The following GPC6 variants were observed in gnomAD, a reference collection of about 807,000 sequenced individuals.
GPC6 encodes the protein glypican-6.
Under a neutral mutation model 55.2 loss-of-function variants are expected in GPC6, and 14 were observed. That is an observed-to-expected ratio of 0.25 (90% confidence interval 0.17 to 0.40). GPC6 has a LOEUF of 0.40. GPC6 is among the 10% of genes least tolerant of loss of function. GPC6 has a pLI of 1.00. For synonymous variants in GPC6, 278 were observed against 259.6 expected (o/e 1.07, Z -0.68); for missense variants, 641 against 708.5 (o/e 0.90, Z 1.08).
intron 3 of GPC6, among the ~76,000 whole-genome samples, chr13:93,839,873 A>G (rs2138995691): frequency 6.6e-6 from 1 of 152,256 alleles, no homozygotes; most frequent in South Asian, 2.1e-4. Flanking sequence ...GTTAGCTAGT[A>G]TTTAGTTAAG....
At chr13:93,807,057 AACTG>A (rs148689177) in intron 2 of GPC6, among the ~76,000 whole-genome samples, 7 of 152,298 alleles carry the variant, frequency 4.6e-5, no homozygotes, top group African/African-American at 1.4e-4. Flanking sequence ...GAAACCATAA[AACTG>A]ACTGGGGGCC....
intron 1 of GPC6, among the ~76,000 whole-genome samples, chr13:93,381,567 A>G (rs1875169225): frequency 6.6e-6 from 1 of 152,166 alleles, no homozygotes; most frequent in South Asian, 2.1e-4. Flanking sequence ...TGTGGGCAAC[A>G]TGTCTCACTG....
chr13:94,335,571 T>C (rs1877641466), intron 6 of GPC6, among the ~76,000 whole-genome samples: 2 of 149,818 alleles, frequency 1.3e-5, no homozygotes. Flanking sequence ...ATAGTTGCCA[T>C]AAAATGTCCC....
chr13:93,242,727 A>G (rs1201910119), intron 1 of GPC6, among the ~76,000 whole-genome samples: 1 of 152,142 alleles, frequency 6.6e-6, no homozygotes, highest in Non-Finnish European at 1.5e-5. Context: ...GTTCACGGAC[A>G]CAGAAAAGCC....
At chr13:93,306,380 TATAA>T (rs1878856464) in intron 1 of GPC6, among the ~76,000 whole-genome samples, 1 of 152,260 alleles carries the variant, frequency 6.6e-6, no homozygotes, top group African/African-American at 2.4e-5. Context: ...TCAGCCAGCA[TATAA>T]ATAGAGCCAA....
chr13:93,885,723 G>A (rs1875284123), intron 3 of GPC6, among the ~76,000 whole-genome samples: 2 of 152,156 alleles, frequency 1.3e-5, no homozygotes, highest in African/African-American at 4.8e-5. Flanking sequence ...TGCCAATTTA[G>A]CCAAACACTG....
rs1296709144 is a variant in GPC6 at position 93,545,386 on chromosome 13, G to A, written c.284G>A (p.Arg95His). 6.8e-6 allele frequency: 11 copies of A among 1,613,800 alleles called. No individual in the cohort carries two copies. Among genetic ancestry groups the A allele is most frequent in the South Asian group, 1.1e-5 (1 of 91,080 alleles). ...NLVEETSHFV[R>H]TTFVSRHKKF... is the part of the protein sequence containing the mutation. ...GTGGAAGAGACAAGCCATTTTGTGCGCACCACTTTTGTGTCCAGGCATAAG... is the reference window on the plus strand; with the variant it reads ...GTGGAAGAGACAAGCCATTTTGTGCACACCACTTTTGTGTCCAGGCATAAG... Residue 95 changes from arginine to histidine, a missense_variant, in exon 2 of 9, where the codon CGC becomes CAC. Physicochemically the swap from Arg to His is conservative, Grantham distance 29. Coordinates refer to ENST00000377047, the MANE Select transcript of GPC6 (RefSeq NM_005708.5).
chr13:93,977,186 A>G (rs950811477), intron 3 of GPC6, among the ~76,000 whole-genome samples: 1 of 152,074 alleles, frequency 6.6e-6, no homozygotes, highest in Non-Finnish European at 1.5e-5. Flanking sequence ...CCTGCACCCA[A>G]AACTTGCTCA....
At chr13:93,668,003 A>C (rs1566477306) in intron 2 of GPC6, among the ~76,000 whole-genome samples, 1 of 152,088 alleles carries the variant, frequency 6.6e-6, no homozygotes, top group Non-Finnish European at 1.5e-5. Flanking sequence ...TTGAGTTTAG[A>C]TTTGAAATGT....
chr13:93,886,406 A>T (rs984102027), intron 3 of GPC6, among the ~76,000 whole-genome samples: 1 of 152,046 alleles, frequency 6.6e-6, no homozygotes, highest in Non-Finnish European at 1.5e-5. Context: ...GGCTGTCCCC[A>T]GTGCAGATTC....
At chr13:94,171,314 G>A (rs1453618142) in intron 4 of GPC6, among the ~76,000 whole-genome samples, 1 of 152,140 alleles carries the variant, frequency 6.6e-6, no homozygotes, top group Non-Finnish European at 1.5e-5. Flanking sequence ...ATAGATTTTA[G>A]ACCTACTTTT....
intron 2 of GPC6, among the ~76,000 whole-genome samples, chr13:93,557,075 A>G (rs1335539823): frequency 1.3e-5 from 2 of 152,208 alleles, no homozygotes; most frequent in South Asian, 2.1e-4. Context: ...TGGGATAAGG[A>G]TGTAATGTAA....
chr13:93,629,718 T>C (rs1594324757), intron 2 of GPC6, among the ~76,000 whole-genome samples: 1 of 152,344 alleles, frequency 6.6e-6, no homozygotes, highest in Middle Eastern at 3.4e-3. Flanking sequence ...CAATTCATGA[T>C]ACTGCTCTGC....
At chr13:94,013,868 G>A (rs1348334948) in intron 3 of GPC6, among the ~76,000 whole-genome samples, 1 of 152,172 alleles carries the variant, frequency 6.6e-6, no homozygotes, top group African/African-American at 2.4e-5. Context: ...TATTAGATAG[G>A]CAAATTATGT....
At chr13:94,113,057 G>T (rs929715545) in intron 4 of GPC6, among the ~76,000 whole-genome samples, 1 of 152,106 alleles carries the variant, frequency 6.6e-6, no homozygotes, top group Non-Finnish European at 1.5e-5. Context: ...GAAAGAAAGT[G>T]TGCTCTTTTC....
chr13:93,277,560 A>C (rs924985192), intron 1 of GPC6, among the ~76,000 whole-genome samples: 1 of 152,186 alleles, frequency 6.6e-6, no homozygotes, highest in Non-Finnish European at 1.5e-5. Context: ...CAATTCCTCA[A>C]ATCCCCATCT....
At chr13:93,348,820 A>G (rs924040097) in intron 1 of GPC6, among the ~76,000 whole-genome samples, 1 of 152,212 alleles carries the variant, frequency 6.6e-6, no homozygotes, top group African/African-American at 2.4e-5. Flanking sequence ...TAGAAGCTGG[A>G]ATCACATTTC....
chr13:93,247,006 T>C (rs1308092060), intron 1 of GPC6, among the ~76,000 whole-genome samples: 5 of 144,110 alleles, frequency 3.5e-5, no homozygotes, highest in Non-Finnish European at 6.1e-5. Flanking sequence ...TTTTCTTTTC[T>C]TTTTTTTTTT....
intron 1 of GPC6, among the ~76,000 whole-genome samples, chr13:93,323,935 G>A (rs1442210171): frequency 6.6e-6 from 1 of 152,146 alleles, no homozygotes; most frequent in Non-Finnish European, 1.5e-5. Context: ...CAGTCCCACT[G>A]CTGGGTATAT....
Sources: allele counts gnomAD v4.1 joint callset (sites outside exome capture counted in the v4.1 genomes callset), GRCh38; gene constraint gnomAD v4.1.1; transcripts MANE v1.5; gene names NCBI Gene and HGNC (gene_info 2026-07-23, HGNC 2026-07-21).